CSMD1: variants seen among roughly 807,000 people sequenced by gnomAD.
CSMD1 encodes CUB and Sushi multiple domains 1.
CSMD1 carries 213 observed loss-of-function variants against 417.5 expected under a neutral mutation model. The observed-to-expected ratio is 0.51, with a 90% CI of 0.46 to 0.57. The LOEUF (loss-of-function observed/expected upper bound fraction) is 0.57. CSMD1 is among the 20% of genes least tolerant of loss of function. The pLI, the probability that CSMD1 is intolerant of heterozygous loss-of-function variation, is 0.00. For synonymous variants in CSMD1, 2,862 were observed against 1,736.8 expected (o/e 1.65, Z -16.11); for missense variants, 6,923 against 4,529.7 (o/e 1.53, Z -15.17).
chr8:4,023,810 G>C (rs1411160558), intron 4 of CSMD1, among the ~76,000 whole-genome samples: 2 of 115,100 alleles, frequency 1.7e-5, no homozygotes, highest in African/African-American at 3.4e-5. Flanking sequence ...GTAGAGACGG[G>C]GTTTCAGCAT....
chr8:4,392,719 C>T (rs1304217275), intron 3 of CSMD1, among the ~76,000 whole-genome samples: 2 of 151,342 alleles, frequency 1.3e-5, no homozygotes, highest in East Asian at 3.9e-4. Flanking sequence ...CCTGTAATAC[C>T]AGCACTTTGG....
intron 2 of CSMD1, among the ~76,000 whole-genome samples, chr8:4,606,319 G>A (rs1432181193): frequency 6.6e-6 from 1 of 151,816 alleles, no homozygotes. Context: ...TGATTTCTTT[G>A]TGGACTGGGA....
At position 4,843,895 on chromosome 8, in the gene CSMD1, G is replaced by C. The variant is rs141993156; in HGVS notation, c.85+150437C>G. 2.0e-5 allele frequency among the ~76,000 whole-genome samples: 3 copies of C among 152,260 alleles called. No individual in the cohort carries two copies. In the East Asian group the frequency reaches 5.8e-4, roughly 29 times the overall value. ...CAAAGCCTTACCTAACACACCCAGT[G>C]AGCTCTTTTCTGGGTGCACAGGAGT... is the stretch of plus-strand genomic sequence containing the variant. On this transcript the variant is annotated intron_variant, in intron 1 of 69. Coordinates refer to ENST00000635120, the MANE Select transcript of CSMD1 (RefSeq NM_033225.6).
intron 26 of CSMD1, among the ~76,000 whole-genome samples, chr8:3,263,024 C>A (rs749532910): frequency 6.6e-6 from 1 of 152,056 alleles, no homozygotes; most frequent in South Asian, 2.1e-4. Flanking sequence ...TCTCCTTGAC[C>A]CATAAATTCT....
At chr8:4,088,537 C>A (rs1800543197) in intron 3 of CSMD1, among the ~76,000 whole-genome samples, 1 of 152,196 alleles carries the variant, frequency 6.6e-6, no homozygotes, top group Non-Finnish European at 1.5e-5. Context: ...GGATGCAAAA[C>A]TAAATCTCTC....
chr8:3,826,510 A>G (rs142550882), intron 5 of CSMD1, among the ~76,000 whole-genome samples: 8 of 152,056 alleles, frequency 5.3e-5, no homozygotes, highest in Non-Finnish European at 4.4e-5. Context: ...CTCTTCTAGA[A>G]CCACATTTTC....
Position 4,156,180 on chromosome 8 carries a change from A to G in CSMD1, c.416-124081T>C, listed in dbSNP as rs542423624. On this transcript the variant is annotated intron_variant, in intron 3 of 69. Transcript: ENST00000635120. ...CAATTCGTTGTGTGAGGGGTGTGGG[A>G]ACAAGGTTTCATATCTGGACTGGGA... 2.0e-5 allele frequency among the ~76,000 whole-genome samples: 3 copies of G among 152,268 alleles called. No individual in the cohort carries two copies. In the South Asian group the frequency reaches 6.2e-4, roughly 32 times the overall value.
At chr8:4,008,095 C>G (rs984483095) in intron 4 of CSMD1, among the ~76,000 whole-genome samples, 1 of 152,086 alleles carries the variant, frequency 6.6e-6, no homozygotes, top group African/African-American at 2.4e-5. Context: ...TGTTTTTAAA[C>G]TCACCAGAGC....
chr8:3,906,289 T>A (rs1252075597), intron 5 of CSMD1, among the ~76,000 whole-genome samples: 5 of 102,764 alleles, frequency 4.9e-5, no homozygotes, highest in African/African-American at 1.3e-4. Context: ...TCAATTGTCA[T>A]AGGGAAAAAA....
intron 3 of CSMD1, among the ~76,000 whole-genome samples, chr8:4,215,925 C>T (rs1800641288): frequency 6.6e-6 from 1 of 152,178 alleles, no homozygotes; most frequent in Non-Finnish European, 1.5e-5. Context: ...AACGTGGATT[C>T]ATGCAGGACT....
intron 5 of CSMD1, among the ~76,000 whole-genome samples, chr8:3,787,258 TTG>T (rs1259978603): frequency 2.0e-5 from 3 of 152,098 alleles, no homozygotes; most frequent in Non-Finnish European, 2.9e-5. Flanking sequence ...TTGAAAAAAC[TTG>T]TGAGTTGTGA....
intron 3 of CSMD1, among the ~76,000 whole-genome samples, chr8:4,274,872 G>C (rs1051339355): frequency 5.3e-5 from 8 of 152,060 alleles, no homozygotes; most frequent in Non-Finnish European, 8.8e-5. Flanking sequence ...CCAGACTCAA[G>C]TACCCAAAAG....
chr8:4,877,536 A>C lies in CSMD1; in HGVS notation c.85+116796T>G, dbSNP rs563835798. 7.9e-5 allele frequency among the ~76,000 whole-genome samples: 12 copies of C among 152,182 alleles called. No homozygotes were observed. The South Asian group carries it at 2.5e-3, about 32-fold the overall frequency. On this transcript the variant is annotated intron_variant, in intron 1 of 69. Coordinates refer to ENST00000635120, the MANE Select transcript of CSMD1 (RefSeq NM_033225.6). ...CTAAACTTCCTCCTAGTTCTTCTTC[A>C]TATCAATGCATTGCACTAAGTTCAG... is the stretch of plus-strand genomic sequence containing the variant.
intron 2 of CSMD1, among the ~76,000 whole-genome samples, chr8:4,486,900 G>A (rs892480221): frequency 1.3e-5 from 2 of 152,150 alleles, no homozygotes; most frequent in Non-Finnish European, 2.9e-5. Context: ...AAGAAGAAGG[G>A]GGAATTAGAA....
At chr8:3,788,707 A>G (rs757171445) in intron 5 of CSMD1, among the ~76,000 whole-genome samples, 2 of 152,234 alleles carry the variant, frequency 1.3e-5, no homozygotes, top group African/African-American at 4.8e-5. Flanking sequence ...TTATGAGTCT[A>G]AGTAGCCATT....
intron 3 of CSMD1, among the ~76,000 whole-genome samples, chr8:4,280,641 T>G (rs1796729948): frequency 6.6e-6 from 1 of 152,180 alleles, no homozygotes; most frequent in African/African-American, 2.4e-5. Context: ...GTAAATAAAT[T>G]TTAAGGCTTG....
chr8:4,604,452 TCAA>T (rs1800765294), intron 2 of CSMD1, among the ~76,000 whole-genome samples: 1 of 151,078 alleles, frequency 6.6e-6, no homozygotes, highest in African/African-American at 2.4e-5. Flanking sequence ...GGAAGGATCA[TCAA>T]CAAGTTCATG....
In CSMD1 at chr8:3,457,705, A is replaced by C. The variant is rs71521861; in HGVS notation, c.1561+11007T>G. On this transcript the variant is annotated intron_variant, in intron 12 of 69. Transcript: ENST00000635120. ...CAAAGACTCTTGTTGAGATCATAAAAACTCGTAAAGGAAACAGAAATACCA... is the reference window on the plus strand; with the variant it reads ...CAAAGACTCTTGTTGAGATCATAAACACTCGTAAAGGAAACAGAAATACCA... 6.4e-3 allele frequency among the ~76,000 whole-genome samples: 982 copies of C among 152,344 alleles called. 8 individuals carry two copies. The highest frequency in any genetic ancestry group is 0.011 in the Non-Finnish European group (720 of 68,028).
At position 3,712,166 on chromosome 8, in the gene CSMD1, T is replaced by TG. The variant is rs202190871; in HGVS notation, c.932-3676_932-3675insC. Reference sequence around the variant, plus strand: ...TTGTAATTTGTTTCAAGTTACTACGTTCTCTTATTGGACAGCTCTGCTAAT... The same window carrying TG: ...TTGTAATTTGTTTCAAGTTACTACGTGTCTCTTATTGGACAGCTCTGCTAAT... On this transcript the variant is annotated intron_variant, in intron 6 of 69. Coordinates refer to ENST00000635120, the MANE Select transcript of CSMD1 (RefSeq NM_033225.6). 1.3e-5 allele frequency among the ~76,000 whole-genome samples: 2 copies of TG among 151,860 alleles called. 1 individual carries two copies. The highest frequency in any genetic ancestry group is 4.8e-5 in the African/African-American group (2 of 41,330).
Sources: gnomAD v4.1 joint callset for allele counts (sites outside exome capture counted in the v4.1 genomes callset) on GRCh38, gnomAD v4.1.1 for gene constraint, MANE v1.5 for transcripts, NCBI Gene and HGNC (gene_info 2026-07-23, HGNC 2026-07-21) for gene names.